Variants in HUWE1 observed in about 807,000 individuals in gnomAD.
HUWE1 encodes E3 ubiquitin-protein ligase HUWE1.
Under a neutral mutation model 299.4 loss-of-function variants are expected in HUWE1, and 18 were observed. That is an observed-to-expected ratio of 0.06 (90% CI 0.04 to 0.09). The LOEUF is 0.09. HUWE1 is among the 10% of genes least tolerant of loss of function. HUWE1 has a pLI of 1.00. For synonymous variants in HUWE1, 1,317 were observed against 1,286.1 expected (o/e 1.02, Z -0.51); for missense variants, 1,832 against 3,462.3 (o/e 0.53, Z 11.82).
chrX:53,669,247 G>A lies in HUWE1; in HGVS notation c.-25+10802C>T, dbSNP rs782782021. Reference sequence around the variant, plus strand: ...GTAAAACAAAGCCTTTAAAAACAAAGGTGTCCCAACATATAGAAAAAAATG... The same window carrying A: ...GTAAAACAAAGCCTTTAAAAACAAAAGTGTCCCAACATATAGAAAAAAATG... On this transcript the variant is annotated intron_variant, in intron 3 of 83. Transcript: ENST00000262854. Among the ~76,000 whole-genome samples the A allele has an allele frequency of 1.2e-4, 13 of 112,145 alleles. No homozygotes were observed. The South Asian group carries it at 4.8e-3, about 41-fold the overall frequency.
intron 55 of HUWE1, among the ~76,000 whole-genome samples, chrX:53,560,838 T>C (rs1441319000): frequency 8.9e-6 from 1 of 111,844 alleles, no homozygotes; most frequent in Non-Finnish European, 1.9e-5. Context: ...CTTACTATAG[T>C]GCAATGTAAT....
Position 53,552,674 on chromosome X carries a change from T to C in HUWE1, c.8714A>G (p.Asp2905Gly), listed in dbSNP as rs1556930276. 2 of 1,211,920 alleles carry C rather than the reference T, an allele frequency of 1.7e-6. No individual in the cohort carries two copies. The highest frequency in any genetic ancestry group is 2.2e-5 in the Admixed American group (1 of 46,062). ...TGGCTGGGCAGATTCCCCTGACCCA[T>C]CACTCCTGCCTTGCACTTCCGCCAC... ...PAVAEVQGRS[D>G]GSGESAQPPE... Residue 2905 changes from aspartate to glycine, a missense_variant, in exon 62 of 84, where the codon GAT becomes GGT. Coordinates refer to ENST00000262854, the MANE Select transcript of HUWE1 (RefSeq NM_031407.7).
intron 23 of HUWE1, among the ~76,000 whole-genome samples, chrX:53,611,072 A>G (rs1487549269): frequency 9.1e-6 from 1 of 109,317 alleles, no homozygotes; most frequent in East Asian, 2.9e-4. Context: ...AAGGCACCCC[A>G]CGTACCTGGC....
At chrX:53,557,675 A>G (rs1273376744) in intron 59 of HUWE1, among the ~76,000 whole-genome samples, 1 of 112,047 alleles carries the variant, frequency 8.9e-6, no homozygotes, top group Non-Finnish European at 1.9e-5. Context: ...GGAAAGGATA[A>G]TAAAAACCCC....
At chrX:53,631,985 C>A in intron 9 of HUWE1, 1 of 322,781 alleles carries the variant, frequency 3.1e-6, no homozygotes, top group South Asian at 3.2e-5. Flanking sequence ...GCTTTCAAGG[C>A]AATTAAGCTA....
At chrX:53,648,093 G>C (rs1161628424) in intron 5 of HUWE1, 119 bp downstream of exon 5, 2 of 541,233 alleles carry the variant, frequency 3.7e-6, no homozygotes, top group East Asian at 3.6e-5. Context: ...GCACATGCTA[G>C]ATGCTTATTA....
intron 5 of HUWE1, 47 bp from the exon 6 acceptor site, chrX:53,647,621 C>T (rs1338053825): frequency 1.2e-5 from 11 of 941,660 alleles, no homozygotes; most frequent in African/African-American, 3.8e-5. Flanking sequence ...GTAGAAGCGC[C>T]GCATGGGTGC....
chrX:53,653,306 G>A (rs2068580534), intron 4 of HUWE1, among the ~76,000 whole-genome samples: 1 of 111,948 alleles, frequency 8.9e-6, no homozygotes, highest in African/African-American at 3.3e-5. Context: ...CTAAGCAATT[G>A]CCTCACATCA....
chrX:53,537,285 T>C (rs1556913907), intron 78 of HUWE1: 5 of 378,123 alleles, frequency 1.3e-5, no homozygotes, highest in Non-Finnish European at 1.9e-5. Context: ...AAAGCTCTCA[T>C]TGCAAAGCCA....
chrX:53,590,957 C>T (rs959803339), intron 34 of HUWE1, 43 bp downstream of exon 34: 4 of 1,207,369 alleles, frequency 3.3e-6, no homozygotes, highest in Non-Finnish European at 4.5e-6. Context: ...CTTCAGCAGT[C>T]AAACCAATAT....
rs1569482493 is a variant in HUWE1 at position 53,600,107 on chromosome X, G to C, written c.3163+11C>G. 11 of 1,203,114 alleles carry C rather than the reference G, an allele frequency of 9.1e-6. No individual in the cohort carries two copies. The highest frequency in any genetic ancestry group is 1.2e-5 in the Non-Finnish European group (11 of 887,273). ...AAGCCAGAAAAGGTAGGAGAAAGGA[G>C]AATGACTCACCTGATAACAAAGGCT... On this transcript the variant is annotated intron_variant, in intron 29 of 83. Coordinates refer to ENST00000262854, the MANE Select transcript of HUWE1 (RefSeq NM_031407.7).
intron 78 of HUWE1, 36 bp from the exon 79 acceptor site, chrX:53,536,703 A>C (rs781816300): frequency 2.6e-6 from 3 of 1,139,798 alleles, no homozygotes; most frequent in African/African-American, 3.6e-5. Context: ...AGAGCTGTGC[A>C]GAAAACCCAG....
chrX:53,663,059 A>G (rs929275460), intron 3 of HUWE1, among the ~76,000 whole-genome samples: 1 of 112,849 alleles, frequency 8.9e-6, no homozygotes. Context: ...AGAGTGATCA[A>G]CTGCATCAAA....
intron 15 of HUWE1, among the ~76,000 whole-genome samples, chrX:53,628,181 G>C (rs1225075056): frequency 1.8e-5 from 2 of 110,891 alleles, no homozygotes; most frequent in Admixed American, 9.6e-5. Flanking sequence ...AACTTACAAA[G>C]TACCCTGACA....
At chrX:53,641,005 A>G (rs2067551225) in intron 7 of HUWE1, among the ~76,000 whole-genome samples, 1 of 111,622 alleles carries the variant, frequency 9.0e-6, no homozygotes, top group African/African-American at 3.3e-5. Flanking sequence ...ACATGATCAA[A>G]GCTGTATTTT....
chrX:53,562,341 C>T, intron 53 of HUWE1, 97 bp from the exon 54 acceptor site: 1 of 1,050,635 alleles, frequency 9.5e-7, no homozygotes, highest in Non-Finnish European at 1.3e-6. Context: ...GATGGGATAT[C>T]TGACTCTATG....
chrX:53,555,741 A>G (rs1354369120), intron 60 of HUWE1, among the ~76,000 whole-genome samples: 1 of 106,786 alleles, frequency 9.4e-6, no homozygotes, highest in African/African-American at 3.5e-5. Flanking sequence ...TCCTGGGTTC[A>G]AGCAATTCTC....
rs145409781 is a variant in HUWE1, at chrX:53,604,998, A to C, written c.2497-164T>G. On this transcript the variant is annotated intron_variant, in intron 25 of 83. Transcript: ENST00000262854. ...AATGGTGGAACCCAAATATGAAGTC[A>C]GGTACAACATACCTTAACATCTCTT... 0.041 allele frequency among the ~76,000 whole-genome samples: 4,656 copies of C among 112,287 alleles called. 107 individuals carry two copies. The highest frequency in any genetic ancestry group is 0.12 in the Middle Eastern group (27 of 217).
chrX:53,655,767 AC>A (rs1226490993), intron 3 of HUWE1, among the ~76,000 whole-genome samples: 1 of 111,833 alleles, frequency 8.9e-6, no homozygotes, highest in African/African-American at 3.3e-5. Flanking sequence ...CTGCTGCAAG[AC>A]GTAGCAGCCA....
Sources: gnomAD v4.1 joint callset for allele counts (sites outside exome capture counted in the v4.1 genomes callset) on GRCh38, gnomAD v4.1.1 for gene constraint, MANE v1.5 for transcripts, NCBI Gene and HGNC (gene_info 2026-07-23, HGNC 2026-07-21) for gene names.